NPC1: variants seen among roughly 807,000 people sequenced by gnomAD.
NPC1 encodes NPC intracellular cholesterol transporter 1.
In NPC1, 85 loss-of-function variants were observed where a neutral mutation model predicts 140.4. The observed-to-expected ratio is 0.61, with a 90% CI of 0.51 to 0.72. NPC1 has a LOEUF of 0.72. Among genes scored for constraint, NPC1 ranks in the 30% least tolerant of loss-of-function variants. The pLI, the probability that NPC1 is intolerant of heterozygous loss-of-function variation, is 0.00. For missense variants in NPC1, 1,504 were observed against 1,623.8 expected (o/e 0.93, Z 1.27); for synonymous variants, 656 against 624.8 (o/e 1.05, Z -0.74).
intron 1 of NPC1, among the ~76,000 whole-genome samples, chr18:23,578,440 C>T (rs997475410): frequency 6.6e-6 from 1 of 152,228 alleles, no homozygotes; most frequent in Non-Finnish European, 1.5e-5. Flanking sequence ...TGCAAGAGCA[C>T]GAGCACCTGT....
chr18:23,560,927 T>C (rs2059029283), intron 5 of NPC1, among the ~76,000 whole-genome samples: 1 of 152,254 alleles, frequency 6.6e-6, no homozygotes, highest in Admixed American at 6.5e-5. Context: ...AATGTACCAG[T>C]TACCTCTCTT....
intron 19 of NPC1, 115 bp from the exon 20 acceptor site, chr18:23,538,786 C>T: frequency 9.0e-7 from 1 of 1,113,102 alleles, no homozygotes; most frequent in Non-Finnish European, 1.3e-6. Flanking sequence ...GATTACTTTC[C>T]TTACTAGTGA....
chr18:23,585,020 C>G (rs966906744), intron 1 of NPC1, among the ~76,000 whole-genome samples: 6 of 152,088 alleles, frequency 3.9e-5, no homozygotes, highest in Non-Finnish European at 7.4e-5. Context: ...GCCCCCACGC[C>G]TGGGCAACAG....
chr18:23,544,374 G>A lies in NPC1; in HGVS notation c.2100C>T (p.Asp700=), dbSNP rs372517881. 3.5e-5 allele frequency: 57 copies of A among 1,614,152 alleles called. No individual in the cohort carries two copies. In the African/African-American group the frequency reaches 6.1e-4, roughly 17 times the overall value. The change falls in exon 13 of 25, where the codon GAC becomes GAT. Residue 700 remains aspartate (D), a synonymous_variant. Transcript: ENST00000269228. The stretch of plus-strand genomic sequence containing the variant: ...AGGCCTGCACCAGAATGAAGATGTT[G>A]TCCACTCCAACAGCCAGCACCAGGA... ...IPFLVLAVGV[D]NIFILVQAYQ...
chr18:23,568,077 G>T lies in NPC1; in HGVS notation c.463+746C>A, dbSNP rs1202953509. On this transcript the variant is annotated intron_variant, in intron 4 of 24. Coordinates refer to ENST00000269228, the MANE Select transcript of NPC1 (RefSeq NM_000271.5). ...TACACAATTGATTTTTTTATTTTCTGTAAAAATTAAAATTAGATAAATATA... is the reference window on the plus strand; with the variant it reads ...TACACAATTGATTTTTTTATTTTCTTTAAAAATTAAAATTAGATAAATATA... Among the ~76,000 whole-genome samples the T allele has an allele frequency of 3.3e-5, 5 of 151,806 alleles. No homozygotes were observed. The East Asian group carries it at 9.7e-4, about 29-fold the overall frequency.
At chr18:23,560,852 G>A (rs1195794768) in intron 5 of NPC1, among the ~76,000 whole-genome samples, 3 of 152,140 alleles carry the variant, frequency 2.0e-5, no homozygotes, top group Non-Finnish European at 4.4e-5. Flanking sequence ...AGCAATGCCT[G>A]AAGGCAATTC....
intron 9 of NPC1, 49 bp downstream of exon 9, chr18:23,554,709 A>C: frequency 1.4e-6 from 2 of 1,466,230 alleles, no homozygotes; most frequent in Non-Finnish European, 1.9e-6. Context: ...ATGTACCCTA[A>C]GTCAGACCCA....
In NPC1 at chr18:23,551,726, C is replaced by T. The variant is rs764932497; in HGVS notation, c.1555G>A (p.Ala519Thr). 6.2e-7 allele frequency: 1 copy of T among 1,613,040 alleles called. No homozygotes were observed. Among genetic ancestry groups the T allele is most frequent in the South Asian group, 1.1e-5 (1 of 91,070 alleles). The change falls in exon 10 of 25, where the codon GCT becomes ACT. Residue 519 changes from alanine (A) to threonine (T), a missense_variant and splice_region_variant. Transcript: ENST00000269228. Reference protein sequence around the residue: ...YHTHFLYCVRAPASLNDTSLL... With the variant: ...YHTHFLYCVRTPASLNDTSLL... Reference sequence around the variant, plus strand: ...CTTGTATCATTCAGAGAGGCAGGAGCCCTGCCAAAAAGTTTAGAAAACACC... The same window carrying T: ...CTTGTATCATTCAGAGAGGCAGGAGTCCTGCCAAAAAGTTTAGAAAACACC...
intron 4 of NPC1, among the ~76,000 whole-genome samples, chr18:23,567,271 T>A (rs1396455756): frequency 6.6e-6 from 1 of 152,250 alleles, no homozygotes; most frequent in Non-Finnish European, 1.5e-5. Context: ...ACTCCCACCA[T>A]CAATGAATGA....
chr18:23,549,454 A>G (rs1044698335), intron 10 of NPC1, among the ~76,000 whole-genome samples: 3 of 152,142 alleles, frequency 2.0e-5, no homozygotes, highest in African/African-American at 7.2e-5. Context: ...TCTGGGCAAC[A>G]AGGCAAAACC....
intron 3 of NPC1, among the ~76,000 whole-genome samples, chr18:23,516,964 G>T (rs1263607323): frequency 6.6e-6 from 1 of 151,582 alleles, no homozygotes; most frequent in Non-Finnish European, 1.5e-5. Context: ...GACCTCAAGT[G>T]ATCCACCTGC....
At chr18:23,526,732 T>C (rs774371052), downstream of NPC1, 1 of 1,614,188 alleles carries the variant, frequency 6.2e-7, no homozygotes, top group Non-Finnish European at 8.5e-7. Context: ...GAGAAAGGAA[T>C]GCAAGATGGT....
At chr18:23,524,082 C>T in intron 1 of NPC1, 2 of 1,596,048 alleles carry the variant, frequency 1.3e-6, no homozygotes, top group Middle Eastern at 1.7e-4. Flanking sequence ...CCAGCATTTG[C>T]AGCATTTTCT....
At chr18:23,563,330 G>A (rs960459859) in intron 4 of NPC1, among the ~76,000 whole-genome samples, 1 of 152,228 alleles carries the variant, frequency 6.6e-6, no homozygotes, top group African/African-American at 2.4e-5. Context: ...GCTGCTAGAA[G>A]CATTTGTGTA....
chr18:23,538,694 ACT>A, intron 19 of NPC1, 23 bp from the exon 20 acceptor site: 1 of 1,613,304 alleles, frequency 6.2e-7, no homozygotes, highest in Non-Finnish European at 8.5e-7. Context: ...TGCAGGGAGG[ACT>A]GTTAGAAGAA....
chr18:23,530,761 T>C, downstream of NPC1: 2 of 703,704 alleles, frequency 2.8e-6, no homozygotes, highest in South Asian at 3.9e-5. Context: ...CCATTATTTG[T>C]AGTAGAGTGA....
intron 11 of NPC1, among the ~76,000 whole-genome samples, chr18:23,546,177 A>G (rs1205639573): frequency 6.9e-6 from 1 of 144,932 alleles, no homozygotes; most frequent in Non-Finnish European, 1.5e-5. Flanking sequence ...TGAACCTGGA[A>G]GGCAGAGGCT....
intron 22 of NPC1, 110 bp from the exon 23 acceptor site, chr18:23,534,669 G>A (rs2058599351): frequency 1.2e-6 from 1 of 824,906 alleles, no homozygotes; most frequent in Non-Finnish European, 2.0e-6. Flanking sequence ...GGGTGCTAGA[G>A]GAGGCCAAGC....
At chr18:23,534,317 C>G in intron 23 of NPC1, 129 bp downstream of exon 23, 1 of 726,100 alleles carries the variant, frequency 1.4e-6, no homozygotes, top group Non-Finnish European at 2.5e-6. Flanking sequence ...GCAGCTAATT[C>G]ATGAATTGCC....
Sources: gnomAD v4.1 joint callset for allele counts (sites outside exome capture counted in the v4.1 genomes callset) on GRCh38, gnomAD v4.1.1 for gene constraint, MANE v1.5 for transcripts, NCBI Gene and HGNC (gene_info 2026-07-23, HGNC 2026-07-21) for gene names.